The following MTCL1 variants were observed in gnomAD, a reference collection of about 807,000 sequenced individuals.
MTCL1 encodes microtubule cross-linking factor 1.
Under a neutral mutation model 141.4 loss-of-function variants are expected in MTCL1, and 79 were observed. The observed-to-expected ratio is 0.56, with a 90% CI of 0.47 to 0.67. The LOEUF (loss-of-function observed/expected upper bound fraction) is 0.67. Among genes scored for constraint, MTCL1 ranks in the 30% least tolerant of loss-of-function variants. MTCL1 has a pLI of 0.00. For synonymous variants in MTCL1, 914 were observed against 875.8 expected, an observed-to-expected ratio of 1.04 and a Z score of -0.77; for missense variants, 2,177 against 2,113.9, an observed-to-expected ratio of 1.03 and a Z score of -0.59.
chr18:8,732,285 A>AT (rs1382750105), intron 4 of MTCL1, among the ~76,000 whole-genome samples: 1 of 151,500 alleles, frequency 6.6e-6, no homozygotes, highest in Non-Finnish European at 1.5e-5. Context: ...TTATTTATTT[A>AT]TTTTTTAGTA....
At chr18:8,774,479 T>G (rs909894463) in intron 4 of MTCL1, among the ~76,000 whole-genome samples, 1 of 151,808 alleles carries the variant, frequency 6.6e-6, no homozygotes, top group African/African-American at 2.4e-5. Context: ...TTCTTTTCTT[T>G]TTCTTTCTTT....
chr18:8,786,206 G>C lies in MTCL1; in HGVS notation c.1887+115G>C, dbSNP rs374797381. 2.6e-5 allele frequency: 30 copies of C among 1,145,156 alleles called. No homozygotes were observed. In the South Asian group the frequency reaches 3.8e-4, roughly 15 times the overall value. The allele number at this position is 1,145,156 out of a possible 1,614,324, so 70.9% of individuals were successfully genotyped here. A position where few individuals can be genotyped will look rare whatever the true frequency, so the allele number is the denominator to read the frequency against. On this transcript the variant is annotated intron_variant, in intron 7 of 16. Coordinates refer to ENST00000359865, the Ensembl canonical transcript of MTCL1. ...CCCTGAGGGAACATGGCAGGAGGAG[G>C]TGGAACTAGGTGGAACTCACTTGAC...
intron 12 of MTCL1, among the ~76,000 whole-genome samples, chr18:8,816,320 G>T (rs575456460): frequency 6.6e-6 from 1 of 152,208 alleles, no homozygotes; most frequent in Non-Finnish European, 1.5e-5. Flanking sequence ...GGTGAAAGCA[G>T]TAACACTAAA....
intron 12 of MTCL1, among the ~76,000 whole-genome samples, chr18:8,817,378 T>C (rs1277208363): frequency 2.6e-5 from 4 of 151,900 alleles, no homozygotes; most frequent in Non-Finnish European, 5.9e-5. Flanking sequence ...GTAGAGTTTT[T>C]AGGTTTTGCT....
Position 8,826,121 on chromosome 18 carries a change from G to A in MTCL1, c.4611G>A (p.Lys1537=), listed in dbSNP as rs142663598. Residue 1537 remains lysine (K), a synonymous_variant, in exon 15 of 17, where the codon AAG becomes AAA. Transcript: ENST00000359865. ...ACGTGGCCCGGATCCTCAACAAGAAGCTGCTGGAACATGCCTTAAAGGAGG... is the reference window on the plus strand; with the variant it reads ...ACGTGGCCCGGATCCTCAACAAGAAACTGCTGGAACATGCCTTAAAGGAGG... The A allele has an allele frequency of 9.3e-6, 15 of 1,613,110 alleles. No homozygotes were observed. The African/African-American group carries it at 1.6e-4, about 17-fold the overall frequency.
At chr18:8,736,739 G>A (rs2096276513) in intron 4 of MTCL1, among the ~76,000 whole-genome samples, 1 of 150,132 alleles carries the variant, frequency 6.7e-6, no homozygotes. Flanking sequence ...CCGGGTTCAT[G>A]CCATTCTCCT....
chr18:8,809,807 A>G, intron 11 of MTCL1: 1 of 563,634 alleles, frequency 1.8e-6, no homozygotes, highest in Non-Finnish European at 3.1e-6. Flanking sequence ...GTTGGATTTG[A>G]GGTGTGTGTC....
Position 8,806,760 on chromosome 18 carries a change from C to T in MTCL1, c.2437-133C>T, listed in dbSNP as rs983491963. ...TCCCCGGCTAACTGCAGACTCCCCA[C>T]CCACCCTGCACCCACTGCCAACAAC... On this transcript the variant is annotated intron_variant, in intron 10 of 16. Coordinates refer to ENST00000359865, the Ensembl canonical transcript of MTCL1. 3 of 740,874 alleles carry T rather than the reference C, an allele frequency of 4.0e-6. No homozygotes were observed. In the Admixed American group the frequency reaches 8.1e-5, roughly 20 times the overall value. The allele number at this position is 740,874 out of a possible 1,614,324, so 45.9% of individuals were successfully genotyped here.
intron 4 of MTCL1, among the ~76,000 whole-genome samples, chr18:8,769,290 T>C (rs960725896): frequency 3.9e-5 from 6 of 152,166 alleles, no homozygotes; most frequent in Non-Finnish European, 7.4e-5. Context: ...GTGCACAGAG[T>C]TGGGATTCTT....
At chr18:8,801,024 C>G (rs886179062) in intron 10 of MTCL1, among the ~76,000 whole-genome samples, 26 of 152,286 alleles carry the variant, frequency 1.7e-4, no homozygotes, top group African/African-American at 5.8e-4. Flanking sequence ...GAGCCTCATC[C>G]AGTCCAGCCT....
At chr18:8,778,344 T>C (rs1043604060) in intron 5 of MTCL1, among the ~76,000 whole-genome samples, 3 of 152,252 alleles carry the variant, frequency 2.0e-5, no homozygotes, top group Non-Finnish European at 4.4e-5. Context: ...AGGTAAAATA[T>C]TCTCAGCCTT....
At chr18:8,706,812 C>T (rs2096060427) in intron 1 of MTCL1, 99 bp downstream of exon 1, 4 of 1,490,048 alleles carry the variant, frequency 2.7e-6, no homozygotes, top group Non-Finnish European at 3.6e-6. Context: ...TGTCCAGCGC[C>T]TTCTCCCTCC....
chr18:8,793,144 C>G lies in MTCL1; in HGVS notation c.2010+24C>G, dbSNP rs367630116. The G allele has an allele frequency of 5.6e-6, 9 of 1,610,950 alleles. No homozygotes were observed. The African/African-American group carries it at 9.4e-5, about 17-fold the overall frequency. ...AGGTAAATATTTAACACGGACTCAG[C>G]ACAACCGCTTTGTGAACTGCAGAGC... On this transcript the variant is annotated intron_variant, in intron 8 of 16. Transcript: ENST00000359865.
chr18:8,774,840 A>ACTGTGAATGGAGT (rs1409795514), intron 4 of MTCL1, among the ~76,000 whole-genome samples: 2 of 152,124 alleles, frequency 1.3e-5, no homozygotes, highest in African/African-American at 4.8e-5. Flanking sequence ...TCTAGTTGCC[A>ACTGTGAATGGAGT]CTGTGAATGG....
At chr18:8,820,008 C>G (rs1272234955) in intron 13 of MTCL1, among the ~76,000 whole-genome samples, 1 of 152,176 alleles carries the variant, frequency 6.6e-6, no homozygotes, top group East Asian at 1.9e-4. Flanking sequence ...CACTTAGAAA[C>G]CTTACATAAA....
chr18:8,800,858 G>A (rs1230037436), intron 10 of MTCL1: 2 of 148,838 alleles, frequency 1.3e-5, no homozygotes. Flanking sequence ...TTGAAAAGAA[G>A]TTACTTTTTC....
chr18:8,819,191 C>T, exon 13 of MTCL1: 1 of 1,614,198 alleles, frequency 6.2e-7, no homozygotes, highest in Non-Finnish European at 8.5e-7. Context: ...TGCCTTGTCC[C>T]TGGATGACGA....
intron 11 of MTCL1, among the ~76,000 whole-genome samples, chr18:8,812,276 G>T (rs2076512756): frequency 6.6e-6 from 1 of 151,870 alleles, no homozygotes; most frequent in East Asian, 1.9e-4. Flanking sequence ...GTTGGCAATG[G>T]TTTTTTTTGT....
upstream of MTCL1, among the ~76,000 whole-genome samples, chr18:8,717,115 C>T (rs547060206): frequency 5.3e-5 from 8 of 151,998 alleles, no homozygotes; most frequent in Admixed American, 2.6e-4. Context: ...GAGGACCTAC[C>T]GTGTGCTCCA....
Sources: gnomAD v4.1 joint callset for allele counts (sites outside exome capture counted in the v4.1 genomes callset) on GRCh38, gnomAD v4.1.1 for gene constraint, MANE v1.5 for transcripts, NCBI Gene and HGNC (gene_info 2026-07-23, HGNC 2026-07-21) for gene names.